The following DNAJA4 variants were observed in gnomAD, a reference collection of about 807,000 sequenced individuals.
DNAJA4 encodes dnaJ homolog subfamily A member 4.
In DNAJA4, 32 loss-of-function variants were observed where a neutral mutation model predicts 39.7. The observed-to-expected ratio is 0.81, with a 90% CI of 0.61 to 1.08. The LOEUF (loss-of-function observed/expected upper bound fraction) is 1.08, where lower values mean the gene tolerates loss of function less well. DNAJA4 is among the 50% of genes least tolerant of loss of function. The probability of loss-of-function intolerance (pLI) is 0.00; values close to 1 mark genes in which losing one functional copy is unlikely to be tolerated. For synonymous variants in DNAJA4, 184 were observed against 182.4 expected (o/e 1.01, Z -0.07); for missense variants, 439 against 505.1 (o/e 0.87, Z 1.25).
At position 78,270,951 on chromosome 15, in the gene DNAJA4, G is replaced by A. The variant is rs556242286; in HGVS notation, c.313+274G>A. Among the ~76,000 whole-genome samples the A allele has an allele frequency of 9.2e-5, 14 of 152,196 alleles. No homozygotes were observed. In the South Asian group the frequency reaches 2.5e-3, roughly 27 times the overall value. On this transcript the variant is annotated intron_variant, in intron 2 of 6. Transcript: ENST00000394852. ...ATGGTGACTCATGCCTGTAGTCTCC[G>A]CTACTTCTTGAGATGCTGAGGCTGG... is the stretch of plus-strand genomic sequence containing the variant.
At chr15:78,264,280 CT>C, upstream of DNAJA4, 1 of 1,355,252 alleles carries the variant, frequency 7.4e-7, no homozygotes, top group Non-Finnish European at 9.5e-7. Flanking sequence ...GGAGGGCGCC[CT>C]CCAGGCCCAA....
chr15:78,275,646 T>G lies in DNAJA4; in HGVS notation c.795T>G (p.Ile265Met). The G allele has an allele frequency of 6.2e-7, 1 of 1,614,210 alleles. No homozygotes were observed. Among genetic ancestry groups the G allele is most frequent in the Non-Finnish European group, 8.5e-7 (1 of 1,180,032 alleles). The part of the protein sequence containing the change: ...RGHDLIMKMK[I>M]QLSEALCGFK... ...ATGACTTGATCATGAAAATGAAAATTCAGCTTTCTGAAGCTCTTTGTGGCT... is the reference window on the plus strand; with the variant it reads ...ATGACTTGATCATGAAAATGAAAATGCAGCTTTCTGAAGCTCTTTGTGGCT... Residue 265 changes from isoleucine (I) to methionine (M), a missense_variant, in exon 5 of 7, where the codon ATT (isoleucine) becomes ATG (methionine). Coordinates refer to ENST00000394852, the MANE Select transcript of DNAJA4 (RefSeq NM_001130182.2).
intron 1 of DNAJA4, chr15:78,270,152 G>T: frequency 5.3e-6 from 1 of 187,504 alleles, no homozygotes; most frequent in East Asian, 1.3e-4. Context: ...GCTCTATCTG[G>T]TTAGAGGTTC....
upstream of DNAJA4, chr15:78,264,307 C>A (rs1347837019): frequency 5.0e-6 from 7 of 1,391,918 alleles, no homozygotes; most frequent in Middle Eastern, 4.0e-4. Flanking sequence ...CTTCTCCGGC[C>A]CCCGCCATGG....
In DNAJA4 at chr15:78,264,810, G is replaced by A; in HGVS notation, c.47G>A (p.Ser16Asn). 1.2e-6 allele frequency: 2 copies of A among 1,610,818 alleles called. No individual in the cohort carries two copies. Among genetic ancestry groups the A allele is most frequent in the Non-Finnish European group, 1.7e-6 (2 of 1,178,370 alleles). The change falls in exon 1 of 7, where the codon AGC (serine) becomes AAC (asparagine). Residue 16 changes from serine to asparagine, a missense_variant. Physicochemically the swap from Ser to Asn is conservative, Grantham distance 46. Transcript: ENST00000394852. ...QYYDILGVKP[S>N]ASPEEIKKAY... ...TATGACATCCTGGGCGTGAAGCCCA[G>A]CGCGTCCCCGGAGGAGATCAAGAAG...
At chr15:78,266,560 C>G (rs1171689407) in intron 1 of DNAJA4, among the ~76,000 whole-genome samples, 1 of 152,154 alleles carries the variant, frequency 6.6e-6, no homozygotes, top group Admixed American at 6.5e-5. Flanking sequence ...GTGCCCATTG[C>G]CAGGAATACT....
upstream of DNAJA4, chr15:78,264,251 G>C (rs1240716931): frequency 8.6e-7 from 1 of 1,162,790 alleles, no homozygotes; most frequent in Non-Finnish European, 1.1e-6. Flanking sequence ...GGCGGCCTCG[G>C]GGCGGCGGGA....
intron 3 of DNAJA4, 64 bp from the exon 4 acceptor site, chr15:78,274,133 G>A (rs1333351133): frequency 6.6e-6 from 10 of 1,503,810 alleles, no homozygotes; most frequent in African/African-American, 4.1e-5. Flanking sequence ...CTGCCATGGC[G>A]CCCAGCAGGG....
chr15:78,264,925 C>T, intron 1 of DNAJA4, 30 bp downstream of exon 1: 1 of 1,554,918 alleles, frequency 6.4e-7, no homozygotes, highest in Admixed American at 1.9e-5. Flanking sequence ...ACGGGCCGGG[C>T]TCCCGAGGGG....
Position 78,264,908 on chromosome 15 carries a change from G to C in DNAJA4, c.132+13G>C. 6.3e-7 allele frequency: 1 copy of C among 1,579,894 alleles called. No individual in the cohort carries two copies. ...TGAGGGCGAGAAGGTGCGGGGCGGC[G>C]CGGGGCACGGGCCGGGCTCCCGAGG... On this transcript the variant is annotated intron_variant, in intron 1 of 6. Transcript: ENST00000394852.
chr15:78,275,217 A>G (rs2049417855), intron 4 of DNAJA4: 2 of 422,800 alleles, frequency 4.7e-6, no homozygotes, highest in Non-Finnish European at 8.6e-6. Flanking sequence ...GTGGTGTGGC[A>G]TCACAGGCCC....
rs1466105037 is a variant in DNAJA4, at chr15:78,282,002, C to T, written c.*1542C>T. 6.6e-6 allele frequency: 1 copy of T among 152,234 alleles called. No individual in the cohort carries two copies. Among genetic ancestry groups the T allele is most frequent in the Non-Finnish European group, 1.5e-5 (1 of 68,044 alleles). 9.4% of individuals were successfully genotyped at this position (152,234 alleles called of 1,614,324 possible). A position where few individuals can be genotyped will look rare whatever the true frequency, so the allele number is the denominator to read the frequency against. On this transcript the variant is annotated 3_prime_UTR_variant, in exon 7 of 7. Coordinates refer to ENST00000394852, the MANE Select transcript of DNAJA4 (RefSeq NM_001130182.2). ...TGAAAATCTATTTATAAATGGACCACAACTCTGGGGTGTCGTTTTTGTGCT... is the reference window on the plus strand; with the variant it reads ...TGAAAATCTATTTATAAATGGACCATAACTCTGGGGTGTCGTTTTTGTGCT...
Position 78,264,800 on chromosome 15 carries a change from G to C in DNAJA4, c.37G>C (p.Val13Leu). 6.2e-7 allele frequency: 1 copy of C among 1,609,550 alleles called. No homozygotes were observed. The highest frequency in any genetic ancestry group is 8.5e-7 in the Non-Finnish European group (1 of 1,177,698). Residue 13 changes from valine (V) to leucine (L), a missense_variant, in exon 1 of 7, where the codon GTG becomes CTG. Physicochemically the swap from Val to Leu is conservative, Grantham distance 32. Coordinates refer to ENST00000394852, the MANE Select transcript of DNAJA4 (RefSeq NM_001130182.2). ...KETQYYDILGVKPSASPEEIK... is the reference protein window; with the variant it reads ...KETQYYDILGLKPSASPEEIK... ...GACCCAGTACTATGACATCCTGGGC[G>C]TGAAGCCCAGCGCGTCCCCGGAGGA... is the stretch of plus-strand genomic sequence containing the variant.
rs1342026772 is a variant in DNAJA4, at chr15:78,274,384, G to A, written c.606G>A (p.Val202=). 1 of 1,614,212 alleles carries A rather than the reference G, an allele frequency of 6.2e-7. No homozygotes were observed. ...GCGAGAGCTGCAGCGGGGCCAAGGTGATCCGTGAGAAGAAGATTATCGAGG... is the reference window on the plus strand; with the variant it reads ...GCGAGAGCTGCAGCGGGGCCAAGGTAATCCGTGAGAAGAAGATTATCGAGG... ...DRCESCSGAK[V]IREKKIIEVH... Residue 202 remains valine (V), a synonymous_variant, in exon 4 of 7, where the codon GTG becomes GTA. Coordinates refer to ENST00000394852, the MANE Select transcript of DNAJA4 (RefSeq NM_001130182.2).
In DNAJA4 at chr15:78,280,275, C is replaced by T; in HGVS notation, c.1009C>T (p.Leu337=). Residue 337 remains leucine, a synonymous_variant, in exon 7 of 7, where the codon CTG becomes TTG. Coordinates refer to ENST00000394852, the MANE Select transcript of DNAJA4 (RefSeq NM_001130182.2). ...VIFPEKHWLS[L]EKLPQLEALL... is the part of the protein sequence containing the mutation. ...CTTTCCTGAAAAACACTGGCTTTCT[C>T]TGGAAAAGCTTCCTCAGCTGGAAGC... The T allele has an allele frequency of 1.2e-6, 2 of 1,614,146 alleles. No individual in the cohort carries two copies. Among genetic ancestry groups the T allele is most frequent in the East Asian group, 4.5e-5 (2 of 44,886 alleles).
chr15:78,277,981 T>C (rs1305111349), intron 5 of DNAJA4: 2 of 452,330 alleles, frequency 4.4e-6, no homozygotes, highest in East Asian at 6.9e-5. Context: ...CACCCCTCTT[T>C]TGTGTTGGCT....
At chr15:78,267,134 GTA>G (rs10607415) in intron 1 of DNAJA4, among the ~76,000 whole-genome samples, 43,583 of 149,552 alleles carry the variant, frequency 0.29, 6,672 homozygotes, top group East Asian at 0.45. Flanking sequence ...TTGTGAGTGT[GTA>G]TGTGAGTGTG....
chr15:78,266,983 G>A (rs909110005), intron 1 of DNAJA4, among the ~76,000 whole-genome samples: 8 of 152,176 alleles, frequency 5.3e-5, no homozygotes, highest in Non-Finnish European at 1.2e-4. Flanking sequence ...AAATCAAAGA[G>A]GATGAGGAGA....
intron 1 of DNAJA4, among the ~76,000 whole-genome samples, chr15:78,267,101 G>A (rs1339092829): frequency 6.7e-6 from 1 of 150,040 alleles, no homozygotes; most frequent in Non-Finnish European, 1.5e-5. Context: ...CCCACTGTGT[G>A]CTGGGTGCAC....
Sources: gnomAD v4.1 joint callset for allele counts (sites outside exome capture counted in the v4.1 genomes callset) on GRCh38, gnomAD v4.1.1 for gene constraint, MANE v1.5 for transcripts, NCBI Gene and HGNC (gene_info 2026-07-23, HGNC 2026-07-21) for gene names.